Variants in ATF7IP observed in about 807,000 individuals in gnomAD.
ATF7IP encodes the protein activating transcription factor 7-interacting protein 1.
In ATF7IP, 23 loss-of-function variants were observed where a neutral mutation model predicts 106.4. That is an observed-to-expected ratio of 0.22 (90% confidence interval 0.16 to 0.31). The LOEUF (loss-of-function observed/expected upper bound fraction) is 0.31, where lower values mean the gene tolerates loss of function less well. Ranked by LOEUF, ATF7IP falls within the 10% of genes least tolerant of loss-of-function variation. The probability of loss-of-function intolerance (pLI) is 1.00; values close to 1 mark genes in which losing one functional copy is unlikely to be tolerated. For missense variants in ATF7IP, 1,334 were observed against 1,524.3 expected (o/e 0.88, Z 2.08); for synonymous variants, 542 against 539.0 (o/e 1.01, Z -0.08).
At chr12:14,418,670 G>T (rs1249279313) in intron 1 of ATF7IP, among the ~76,000 whole-genome samples, 5 of 152,204 alleles carry the variant, frequency 3.3e-5, no homozygotes, top group Non-Finnish European at 5.9e-5. Context: ...GGTTTGTACA[G>T]ATATGGCTGA....
intron 10 of ATF7IP, among the ~76,000 whole-genome samples, chr12:14,467,202 G>A (rs1943866529): frequency 6.6e-6 from 1 of 152,024 alleles, no homozygotes; most frequent in Non-Finnish European, 1.5e-5. Flanking sequence ...TTAGATTGTT[G>A]ATAGTTTTAT....
At chr12:14,407,352 T>C (rs1337344794) in intron 1 of ATF7IP, among the ~76,000 whole-genome samples, 2 of 152,100 alleles carry the variant, frequency 1.3e-5, no homozygotes, top group South Asian at 2.1e-4. Flanking sequence ...TTCTTGAAAT[T>C]AAAAGGTTTT....
At chr12:14,378,670 G>A (rs1169662295) in intron 1 of ATF7IP, among the ~76,000 whole-genome samples, 1 of 152,084 alleles carries the variant, frequency 6.6e-6, no homozygotes, top group African/African-American at 2.4e-5. Context: ...TTGATCTTGT[G>A]TTAAGCAGCC....
At chr12:14,435,584 T>A (rs1022781542) in intron 3 of ATF7IP, among the ~76,000 whole-genome samples, 1 of 152,242 alleles carries the variant, frequency 6.6e-6, no homozygotes, top group African/African-American at 2.4e-5. Flanking sequence ...ACATTAATTT[T>A]ATTTTTATTT....
In ATF7IP at chr12:14,499,094, C is replaced by G. The variant is rs1341447559; in HGVS notation, c.*1021C>G. On this transcript the variant is annotated 3_prime_UTR_variant, in exon 15 of 15. Coordinates refer to ENST00000261168, the MANE Select transcript of ATF7IP (RefSeq NM_018179.5). ...CTCCTGACCTCAGGTGATCCACCCG[C>G]CTCGGCCTCCCAGAGTGCTGCGATT... 2 of 152,198 alleles carry G rather than the reference C, an allele frequency of 1.3e-5. No individual in the cohort carries two copies. Among genetic ancestry groups the G allele is most frequent in the African/African-American group, 4.8e-5 (2 of 41,424 alleles). 9.4% of individuals were successfully genotyped at this position (152,198 alleles called of 1,614,324 possible). A position where few individuals can be genotyped will look rare whatever the true frequency, so the allele number is the denominator to read the frequency against.
intron 2 of ATF7IP, among the ~76,000 whole-genome samples, chr12:14,431,616 G>C (rs928972526): frequency 1.2e-4 from 18 of 151,890 alleles, no homozygotes; most frequent in African/African-American, 4.1e-4. Flanking sequence ...GGATGGTCTC[G>C]ATCTCCTGAC....
intron 11 of ATF7IP, chr12:14,476,279 G>A: frequency 4.8e-6 from 1 of 209,624 alleles, no homozygotes; most frequent in Non-Finnish European, 9.6e-6. Context: ...GGGTGTGATG[G>A]CATGTGTCTG....
intron 1 of ATF7IP, among the ~76,000 whole-genome samples, chr12:14,423,120 T>G (rs1280058546): frequency 3.3e-5 from 5 of 152,182 alleles, no homozygotes; most frequent in Non-Finnish European, 5.9e-5. Context: ...GGTTTTGACT[T>G]GCGTTTCCCT....
intron 10 of ATF7IP, among the ~76,000 whole-genome samples, chr12:14,475,589 G>A (rs773973214): frequency 6.6e-6 from 1 of 152,178 alleles, no homozygotes; most frequent in African/African-American, 2.4e-5. Flanking sequence ...CATTTTAAAT[G>A]TCACAAAATG....
chr12:14,375,504 T>TA (rs1438607444), intron 1 of ATF7IP, among the ~76,000 whole-genome samples: 6 of 152,058 alleles, frequency 3.9e-5, no homozygotes, highest in African/African-American at 1.4e-4. Context: ...CCACCAAACT[T>TA]ACTTTAAATG....
Position 14,501,810 on chromosome 12 carries a change from C to G in ATF7IP, c.*3737C>G, listed in dbSNP as rs1267430332. On this transcript the variant is annotated 3_prime_UTR_variant, in exon 15 of 15. Transcript: ENST00000261168. Reference sequence around the variant, plus strand: ...CAGGCTGTATCTTACAATTCCCTTACTGCACTGGGTAAGTGTTAACTTAGT... The same window carrying G: ...CAGGCTGTATCTTACAATTCCCTTAGTGCACTGGGTAAGTGTTAACTTAGT... 6.6e-6 allele frequency: 1 copy of G among 152,188 alleles called. No homozygotes were observed. The highest frequency in any genetic ancestry group is 1.5e-5 in the Non-Finnish European group (1 of 68,026). The allele number at this position is 152,188 out of a possible 1,614,324, so 9.4% of individuals were successfully genotyped here.
chr12:14,411,278 C>T (rs538557095), intron 1 of ATF7IP, among the ~76,000 whole-genome samples: 3 of 151,968 alleles, frequency 2.0e-5, no homozygotes, highest in African/African-American at 7.2e-5. Flanking sequence ...CATATCATTG[C>T]CAATACTCAT....
intron 11 of ATF7IP, among the ~76,000 whole-genome samples, chr12:14,477,255 T>C (rs935556351): frequency 1.3e-5 from 2 of 152,216 alleles, no homozygotes; most frequent in African/African-American, 4.8e-5. Context: ...TAAATAGCTG[T>C]ACAACTGATT....
At position 14,481,027 on chromosome 12, in the gene ATF7IP, A is replaced by G; in HGVS notation, c.3122A>G (p.His1041Arg). ...PTAPTTVNVT[H>R]RPVTQVTTRL... ...GCTCCAACTACCGTGAATGTAACAC[A>G]TCGTCCAGTAACTCAGGTGACCACA... is the stretch of plus-strand genomic sequence containing the variant. Residue 1041 changes from histidine (H) to arginine (R), a missense_variant, in exon 13 of 15, where the codon CAT (histidine) becomes CGT (arginine). Physicochemically the swap from His to Arg is conservative, Grantham distance 29 (BLOSUM62 0). This residue lies in a region of ATF7IP where 370 missense variants were observed against 401.2 expected (regional missense o/e 0.92). Coordinates refer to ENST00000261168, the MANE Select transcript of ATF7IP (RefSeq NM_018179.5). 6.2e-7 allele frequency: 1 copy of G among 1,613,982 alleles called. No individual in the cohort carries two copies. The highest frequency in any genetic ancestry group is 1.1e-5 in the South Asian group (1 of 91,084).
intron 1 of ATF7IP, chr12:14,419,896 T>G (rs1941402752): frequency 6.6e-6 from 1 of 152,320 alleles, no homozygotes; most frequent in South Asian, 2.1e-4. Context: ...AAGAAATATG[T>G]TCTAAGTAAT....
intron 4 of ATF7IP, among the ~76,000 whole-genome samples, chr12:14,437,841 C>G (rs1436738962): frequency 6.6e-6 from 1 of 152,022 alleles, no homozygotes. Context: ...ATCACGAGGT[C>G]AGGAGATCGA....
At chr12:14,383,561 T>A (rs1939085581) in intron 1 of ATF7IP, among the ~76,000 whole-genome samples, 1 of 152,206 alleles carries the variant, frequency 6.6e-6, no homozygotes, top group Admixed American at 6.5e-5. Context: ...TTTTTAATTA[T>A]AATTTTTTTT....
intron 13 of ATF7IP, among the ~76,000 whole-genome samples, chr12:14,491,878 C>T (rs1347571041): frequency 6.6e-6 from 1 of 152,212 alleles, no homozygotes; most frequent in Non-Finnish European, 1.5e-5. Context: ...ATCCATCTGT[C>T]TTCTGCATAG....
intron 1 of ATF7IP, among the ~76,000 whole-genome samples, chr12:14,370,524 A>G (rs907884964): frequency 6.6e-6 from 1 of 152,052 alleles, no homozygotes; most frequent in South Asian, 2.1e-4. Flanking sequence ...GTTAATTAAG[A>G]AAAAAAAGCC....
Sources: gnomAD v4.1 joint callset for allele counts (sites outside exome capture counted in the v4.1 genomes callset) on GRCh38, gnomAD v4.1.1 for gene constraint, gnomAD v4.1.1 regional missense constraint, MANE v1.5 for transcripts, NCBI Gene and HGNC (gene_info 2026-07-23, HGNC 2026-07-21) for gene names.